Variants in MED13L observed in about 807,000 individuals in gnomAD.
MED13L encodes mediator of RNA polymerase II transcription subunit 13-like.
A neutral mutation model predicts 220.9 loss-of-function variants in MED13L; 7 were observed. That is an observed-to-expected ratio of 0.03 (90% CI 0.02 to 0.06). The LOEUF is 0.06. Among genes scored for constraint, MED13L ranks in the 10% least tolerant of loss-of-function variants. The probability of loss-of-function intolerance (pLI) is 1.00; values close to 1 mark genes in which losing one functional copy is unlikely to be tolerated. For missense variants in MED13L, 1,965 were observed against 2,760.5 expected (o/e 0.71, Z 6.46); for synonymous variants, 1,011 against 1,015.2 (o/e 1.00, Z 0.08).
At chr12:116,210,327 G>A (rs1011995783) in intron 2 of MED13L, among the ~76,000 whole-genome samples, 11 of 151,884 alleles carry the variant, frequency 7.2e-5, no homozygotes, top group East Asian at 5.8e-4. Flanking sequence ...GCTTTGAAAC[G>A]TTGCCACAAT....
intron 1 of MED13L, among the ~76,000 whole-genome samples, chr12:116,257,940 A>G (rs1170972570): frequency 6.6e-6 from 1 of 152,170 alleles, no homozygotes; most frequent in Admixed American, 6.5e-5. Context: ...TAGGCTGTAT[A>G]TTACTCCATT....
At chr12:116,018,995 T>C (rs1032366203) in intron 7 of MED13L, among the ~76,000 whole-genome samples, 1 of 152,130 alleles carries the variant, frequency 6.6e-6, no homozygotes, top group East Asian at 1.9e-4. Flanking sequence ...TAACAGAATC[T>C]AAACTATTTA....
chr12:116,130,563 AT>A (rs1307899220), intron 2 of MED13L, among the ~76,000 whole-genome samples: 1 of 152,274 alleles, frequency 6.6e-6, no homozygotes, highest in Non-Finnish European at 1.5e-5. Context: ...AATGATAAGC[AT>A]CTTGGAATCT....
At chr12:115,993,791 G>C (rs1413497888) in intron 16 of MED13L, among the ~76,000 whole-genome samples, 1 of 152,200 alleles carries the variant, frequency 6.6e-6, no homozygotes, top group Non-Finnish European at 1.5e-5. Flanking sequence ...CTTGTAATCT[G>C]ATTTTTCCCA....
At chr12:116,270,965 C>A (rs1218187090) in intron 1 of MED13L, among the ~76,000 whole-genome samples, 2 of 145,538 alleles carry the variant, frequency 1.4e-5, no homozygotes, top group Non-Finnish European at 3.0e-5. Flanking sequence ...TCGCTTGAAC[C>A]CAGGAGGCGG....
At chr12:116,187,632 A>G (rs1008239385) in intron 2 of MED13L, among the ~76,000 whole-genome samples, 3 of 152,180 alleles carry the variant, frequency 2.0e-5, no homozygotes, top group African/African-American at 7.2e-5. Flanking sequence ...TCCTAAAATT[A>G]TATTTCTATA....
At chr12:115,995,480 G>A (rs1449072495) in intron 16 of MED13L, among the ~76,000 whole-genome samples, 1 of 152,202 alleles carries the variant, frequency 6.6e-6, no homozygotes, top group Non-Finnish European at 1.5e-5. Context: ...CTGGAGTGCA[G>A]TAGTGCAATC....
chr12:116,016,046 T>G (rs1485538416), intron 7 of MED13L, among the ~76,000 whole-genome samples: 1 of 152,178 alleles, frequency 6.6e-6, no homozygotes, highest in Admixed American at 6.6e-5. Flanking sequence ...ATTTTGAGTA[T>G]TTTACTACTT....
chr12:116,008,682 A>G lies in MED13L; in HGVS notation c.1731T>C (p.Pro577=), dbSNP rs770173062. The G allele has an allele frequency of 5.0e-6, 8 of 1,614,068 alleles. No individual in the cohort carries two copies. In the South Asian group the frequency reaches 8.8e-5, roughly 18 times the overall value. Residue 577 remains proline (P), a synonymous_variant, in exon 10 of 31, where the codon CCT becomes CCC. Transcript: ENST00000281928. The part of the protein sequence containing the change: ...ETESLDPPSV[P]VNPALYGNGL... ...CATTTCCATAAAGGGCTGGATTCAC[A>G]GGGACCGATGGTGGGTCCAAACTCT...
intron 23 of MED13L, 33 bp downstream of exon 23, chr12:115,980,717 A>C (rs1226849202): frequency 1.9e-6 from 3 of 1,610,604 alleles, no homozygotes; most frequent in Non-Finnish European, 1.7e-6. Flanking sequence ...TTTTAGTATA[A>C]ATTTTCTAAG....
At chr12:116,044,534 C>T (rs1035960802) in intron 4 of MED13L, among the ~76,000 whole-genome samples, 2 of 152,152 alleles carry the variant, frequency 1.3e-5, no homozygotes, top group East Asian at 1.9e-4. Flanking sequence ...ATCCTAACTC[C>T]TAAGAACACA....
chr12:115,986,565 A>G (rs1167638783), intron 18 of MED13L, 76 bp from the exon 19 acceptor site: 2 of 1,340,826 alleles, frequency 1.5e-6, no homozygotes, highest in East Asian at 4.8e-5. Flanking sequence ...TTCCTGGTGC[A>G]CTGGTCTTAA....
At chr12:116,086,706 C>T (rs370040530) in intron 4 of MED13L, among the ~76,000 whole-genome samples, 265 of 152,270 alleles carry the variant, frequency 1.7e-3, no homozygotes, top group African/African-American at 6.0e-3. Flanking sequence ...CTAATAATTT[C>T]TACGAACCAT....
intron 4 of MED13L, among the ~76,000 whole-genome samples, chr12:116,096,037 T>G (rs1308104162): frequency 6.6e-6 from 1 of 152,078 alleles, no homozygotes; most frequent in Non-Finnish European, 1.5e-5. Flanking sequence ...TTTTTAAACT[T>G]ATTCCATACA....
intron 4 of MED13L, among the ~76,000 whole-genome samples, chr12:116,031,762 AGGAAGG>A (rs1254605524): frequency 1.6e-5 from 2 of 127,504 alleles, no homozygotes; most frequent in South Asian, 2.6e-4. Context: ...AAAGAAAAGA[AGGAAGG>A]AAGGAAGGAA....
chr12:116,029,639 C>T (rs1880607120), intron 4 of MED13L, among the ~76,000 whole-genome samples: 1 of 151,958 alleles, frequency 6.6e-6, no homozygotes, highest in Non-Finnish European at 1.5e-5. Flanking sequence ...TATTTTAAAA[C>T]TTAAGTTCAT....
chr12:115,978,767 A>C (rs1877129265), intron 23 of MED13L, among the ~76,000 whole-genome samples: 1 of 152,248 alleles, frequency 6.6e-6, no homozygotes, highest in Admixed American at 6.5e-5. Context: ...TATCTTAGAT[A>C]TAATAGATAG....
intron 2 of MED13L, among the ~76,000 whole-genome samples, chr12:116,148,090 G>T (rs1474558616): frequency 8.0e-6 from 1 of 125,542 alleles, no homozygotes; most frequent in Non-Finnish European, 1.7e-5. Context: ...GGGCGGGAGT[G>T]GAGGGGGGCG....
intron 1 of MED13L, among the ~76,000 whole-genome samples, chr12:116,252,358 T>G (rs994439549): frequency 6.6e-6 from 1 of 152,006 alleles, no homozygotes; most frequent in Admixed American, 6.5e-5. Context: ...ATGGGCAACA[T>G]GACAAAACTT....
Sources: gnomAD v4.1 joint callset for allele counts (sites outside exome capture counted in the v4.1 genomes callset) on GRCh38, gnomAD v4.1.1 for gene constraint, MANE v1.5 for transcripts, NCBI Gene and HGNC (gene_info 2026-07-23, HGNC 2026-07-21) for gene names.